The following SLC7A14 variants were observed in gnomAD, a reference collection of about 807,000 sequenced individuals.
The protein encoded by SLC7A14 is solute carrier family 7 member 14, also known as gamma-aminobutyric acid transporter SLC7A14.
SLC7A14 carries 37 observed loss-of-function variants against 60.2 expected under a neutral mutation model. The observed-to-expected ratio is 0.61, with a 90% CI of 0.47 to 0.81. SLC7A14 has a LOEUF of 0.81. Among genes scored for constraint, SLC7A14 ranks in the 30% least tolerant of loss-of-function variants. SLC7A14 has a pLI of 0.00. For missense variants in SLC7A14, 886 were observed against 982.7 expected, an observed-to-expected ratio of 0.90 and a Z score of 1.32; for synonymous variants, 399 against 395.8, an observed-to-expected ratio of 1.01 and a Z score of -0.10.
chr3:170,510,563 C>A (rs543659714), intron 2 of SLC7A14, among the ~76,000 whole-genome samples: 1 of 152,214 alleles, frequency 6.6e-6, no homozygotes, highest in African/African-American at 2.4e-5. Flanking sequence ...TGTTAATAAT[C>A]ATCATCAGCA....
At chr3:170,546,199 G>A (rs186137120) in intron 1 of SLC7A14, among the ~76,000 whole-genome samples, 1 of 152,240 alleles carries the variant, frequency 6.6e-6, no homozygotes. Context: ...TCAGACAGAA[G>A]CAGACAGAAT....
In SLC7A14 at chr3:170,465,084, G is replaced by A. The variant is rs1214544860; in HGVS notation, c.*1971C>T. ...TTAACTCTAGGGAAGAGAAAACATA[G>A]CATTGTCAAGCATGATATTAAAATG... On this transcript the variant is annotated 3_prime_UTR_variant, in exon 8 of 8. Transcript: ENST00000231706. 1 of 152,168 alleles carries A rather than the reference G, an allele frequency of 6.6e-6. No homozygotes were observed. The highest frequency in any genetic ancestry group is 1.5e-5 in the Non-Finnish European group (1 of 68,026). The allele number at this position is 152,168 out of a possible 1,614,324, so 9.4% of individuals were successfully genotyped here. A position where few individuals can be genotyped will look rare whatever the true frequency, so the allele number is the denominator to read the frequency against.
chr3:170,513,033 G>A (rs530574825), intron 2 of SLC7A14, among the ~76,000 whole-genome samples: 2 of 152,198 alleles, frequency 1.3e-5, no homozygotes, highest in African/African-American at 2.4e-5. Flanking sequence ...CTGTTCTTCC[G>A]AAGAATCTCA....
chr3:170,570,843 C>A (rs1190103787), intron 1 of SLC7A14, among the ~76,000 whole-genome samples: 1 of 152,044 alleles, frequency 6.6e-6, no homozygotes, highest in Non-Finnish European at 1.5e-5. Flanking sequence ...CCAAACCACC[C>A]CCCACCCACC....
Position 170,526,849 on chromosome 3 carries a change from T to G in SLC7A14, c.88A>C (p.Lys30Gln). The G allele has an allele frequency of 1.2e-6, 2 of 1,614,158 alleles. No individual in the cohort carries two copies. Among genetic ancestry groups the G allele is most frequent in the Non-Finnish European group, 1.7e-6 (2 of 1,180,016 alleles). ...CCCTCTAGCATGGACTCCACTGGTTTGGTGCGTAGGATCCTGGAGTGCATT... is the reference window on the plus strand; with the variant it reads ...CCCTCTAGCATGGACTCCACTGGTTGGGTGCGTAGGATCCTGGAGTGCATT... ...YAMHSRILRT[K>Q]PVESMLEGTG... Residue 30 changes from lysine (K) to glutamine (Q), a missense_variant, in exon 2 of 8, where the codon AAA (lysine) becomes CAA (glutamine). Lys to Gln is a moderately conservative substitution (Grantham distance 53). Coordinates refer to ENST00000231706, the MANE Select transcript of SLC7A14 (RefSeq NM_020949.3).
At chr3:170,547,122 C>G (rs11709596) in intron 1 of SLC7A14, among the ~76,000 whole-genome samples, 17,325 of 152,200 alleles carry the variant, frequency 0.11, 1,204 homozygotes, top group East Asian at 0.18. Context: ...ATACCCCTTC[C>G]CCTCTTTCCC....
At chr3:170,580,825 T>C (rs1013899613) in intron 1 of SLC7A14, among the ~76,000 whole-genome samples, 4 of 152,230 alleles carry the variant, frequency 2.6e-5, no homozygotes, top group African/African-American at 9.6e-5. Context: ...AAACATCTGA[T>C]GGAATAGCTT....
chr3:170,491,946 T>A (rs1712233401), intron 4 of SLC7A14, among the ~76,000 whole-genome samples: 1 of 152,066 alleles, frequency 6.6e-6, no homozygotes, highest in Non-Finnish European at 1.5e-5. Flanking sequence ...AATAAACAGA[T>A]TATTAAAGAG....
At chr3:170,484,530 C>A (rs894872643) in intron 5 of SLC7A14, among the ~76,000 whole-genome samples, 2 of 152,182 alleles carry the variant, frequency 1.3e-5, no homozygotes, top group Admixed American at 1.3e-4. Flanking sequence ...TATGGGGGGC[C>A]CCCCAGGCCT....
At chr3:170,569,780 T>C (rs1714893314) in intron 1 of SLC7A14, among the ~76,000 whole-genome samples, 1 of 152,216 alleles carries the variant, frequency 6.6e-6, no homozygotes, top group Admixed American at 6.5e-5. Flanking sequence ...TTTTCTAGAT[T>C]TTCTAGTTTA....
At chr3:170,568,442 A>G (rs1267443126) in intron 1 of SLC7A14, among the ~76,000 whole-genome samples, 2 of 152,088 alleles carry the variant, frequency 1.3e-5, no homozygotes, top group African/African-American at 4.8e-5. Context: ...GTCAGGTAGC[A>G]TGATGCCTCC....
chr3:170,496,467 G>T, intron 4 of SLC7A14: 15 of 1,316,232 alleles, frequency 1.1e-5, no homozygotes, highest in Non-Finnish European at 1.6e-5. Flanking sequence ...GGAGCTGGCC[G>T]TTAAGGATGC....
intron 2 of SLC7A14, among the ~76,000 whole-genome samples, chr3:170,522,376 G>A (rs931073881): frequency 2.0e-5 from 3 of 152,138 alleles, no homozygotes; most frequent in East Asian, 1.9e-4. Flanking sequence ...GCCAAAGACT[G>A]GAAACAACCC....
At chr3:170,504,160 G>A (rs1273564707) in intron 2 of SLC7A14, among the ~76,000 whole-genome samples, 2 of 152,064 alleles carry the variant, frequency 1.3e-5, no homozygotes, top group Admixed American at 1.3e-4. Flanking sequence ...GAAGCTCACT[G>A]GTGATAATTG....
intron 1 of SLC7A14, among the ~76,000 whole-genome samples, chr3:170,584,940 G>A (rs899597689): frequency 5.9e-5 from 9 of 152,194 alleles, no homozygotes; most frequent in Non-Finnish European, 1.2e-4. Flanking sequence ...ACACAGGTGG[G>A]GGGATGAGGA....
chr3:170,581,638 G>T (rs1715239288), intron 1 of SLC7A14, among the ~76,000 whole-genome samples: 1 of 152,084 alleles, frequency 6.6e-6, no homozygotes, highest in Non-Finnish European at 1.5e-5. Flanking sequence ...ATTCAGAAAT[G>T]CATTCAGCCT....
At chr3:170,480,064 G>A (rs1036373577) in intron 7 of SLC7A14, among the ~76,000 whole-genome samples, 5 of 152,148 alleles carry the variant, frequency 3.3e-5, no homozygotes, top group Admixed American at 6.5e-5. Context: ...TCAGTAAAGC[G>A]ATGGATTAAT....
At chr3:170,497,305 A>G (rs769919200) in intron 4 of SLC7A14, among the ~76,000 whole-genome samples, 3 of 152,126 alleles carry the variant, frequency 2.0e-5, no homozygotes, top group Admixed American at 6.5e-5. Context: ...CAGTTTCAGT[A>G]TTTATTCATT....
chr3:170,575,455 C>T (rs901280908), intron 1 of SLC7A14, among the ~76,000 whole-genome samples: 12 of 152,148 alleles, frequency 7.9e-5, no homozygotes, highest in Admixed American at 7.9e-4. Context: ...GAAGAGAATG[C>T]TGTATGTAGA....
Sources: allele counts gnomAD v4.1 joint callset (sites outside exome capture counted in the v4.1 genomes callset), GRCh38; gene constraint gnomAD v4.1.1; transcripts MANE v1.5; gene names NCBI Gene and HGNC (gene_info 2026-07-23, HGNC 2026-07-21).